The following LDB2 variants were observed in gnomAD, a reference collection of about 807,000 sequenced individuals.
LDB2 encodes the protein LIM domain-binding protein 2.
Under a neutral mutation model 44.3 loss-of-function variants are expected in LDB2, and 12 were observed. The ratio of observed to expected loss-of-function variants is 0.27; its 90% CI spans 0.17 to 0.44. LDB2 has a LOEUF of 0.44. Among genes scored for constraint, LDB2 ranks in the 20% least tolerant of loss-of-function variants. LDB2 has a pLI of 1.00. For missense variants in LDB2, 344 were observed against 473.5 expected (o/e 0.73, Z 2.54); for synonymous variants, 164 against 174.8 (o/e 0.94, Z 0.49).
At chr4:16,857,275 T>C (rs560537915) in intron 1 of LDB2, among the ~76,000 whole-genome samples, 17 of 152,300 alleles carry the variant, frequency 1.1e-4, no homozygotes, top group African/African-American at 3.8e-4. Context: ...GAATCTTACG[T>C]GCCCTTTTTA....
At chr4:16,648,635 AT>A (rs1737433614) in intron 2 of LDB2, among the ~76,000 whole-genome samples, 1 of 152,330 alleles carries the variant, frequency 6.6e-6, no homozygotes, top group Non-Finnish European at 1.5e-5. Context: ...TTATAAGCTG[AT>A]TTGCAGAGTC....
chr4:16,690,389 G>A (rs985551518), intron 2 of LDB2, among the ~76,000 whole-genome samples: 1 of 150,100 alleles, frequency 6.7e-6, no homozygotes, highest in Non-Finnish European at 1.5e-5. Context: ...CTGAGCCCAG[G>A]AGGTTGAGAT....
intron 2 of LDB2, 121 bp downstream of exon 2, chr4:16,759,037 A>G (rs1214973756): frequency 1.6e-6 from 1 of 635,758 alleles, no homozygotes; most frequent in Non-Finnish European, 2.8e-6. Context: ...AAGCAAGAAC[A>G]TTCTCAGGAG....
chr4:16,794,994 A>G (rs1776447204), intron 1 of LDB2, among the ~76,000 whole-genome samples: 1 of 152,212 alleles, frequency 6.6e-6, no homozygotes, highest in Non-Finnish European at 1.5e-5. Flanking sequence ...GGAAAGACAC[A>G]ACCTAGTAGA....
chr4:16,842,577 T>C (rs1173058482), intron 1 of LDB2, among the ~76,000 whole-genome samples: 1 of 152,206 alleles, frequency 6.6e-6, no homozygotes. Context: ...CCATGAGTGA[T>C]CTTTGAATGG....
intron 1 of LDB2, among the ~76,000 whole-genome samples, chr4:16,890,867 T>C (rs1233743101): frequency 6.6e-6 from 1 of 152,126 alleles, no homozygotes; most frequent in Non-Finnish European, 1.5e-5. Context: ...GAAGGAAATA[T>C]CACCTCCCAC....
At position 16,846,900 on chromosome 4, in the gene LDB2, T is replaced by A. The variant is rs561605979; in HGVS notation, c.132+51454A>T. The stretch of plus-strand genomic sequence containing the variant: ...CAAAGTCTCTTTATGACACTGACAG[T>A]CATCAAGCGGATGTTTGTCAAAGTA... On this transcript the variant is annotated intron_variant, in intron 1 of 7. Transcript: ENST00000304523. Among the ~76,000 whole-genome samples, 3 of 152,354 alleles carry A rather than the reference T, an allele frequency of 2.0e-5. No homozygotes were observed. In the South Asian group the frequency reaches 6.2e-4, roughly 32 times the overall value.
chr4:16,731,574 G>A (rs1158752510), intron 2 of LDB2, among the ~76,000 whole-genome samples: 1 of 152,138 alleles, frequency 6.6e-6, no homozygotes, highest in African/African-American at 2.4e-5. Flanking sequence ...AGCCAAGATG[G>A]AAGTCAGAAA....
intron 1 of LDB2, among the ~76,000 whole-genome samples, chr4:16,870,101 G>C (rs556842300): frequency 6.6e-6 from 1 of 152,284 alleles, no homozygotes; most frequent in East Asian, 1.9e-4. Context: ...GTACAAGGCA[G>C]CTGCAGAGGC....
At chr4:16,567,594 C>T (rs995892202) in intron 5 of LDB2, among the ~76,000 whole-genome samples, 5 of 152,034 alleles carry the variant, frequency 3.3e-5, no homozygotes, top group Non-Finnish European at 4.4e-5. Context: ...TGTGGTGAAA[C>T]CCTGTCTCTA....
At chr4:16,712,055 T>C (rs1755999776) in intron 2 of LDB2, among the ~76,000 whole-genome samples, 1 of 152,104 alleles carries the variant, frequency 6.6e-6, no homozygotes, top group Admixed American at 6.5e-5. Flanking sequence ...AGAAAAAAAT[T>C]AACAATTTGG....
At chr4:16,557,123 G>A (rs1739934906) in intron 5 of LDB2, among the ~76,000 whole-genome samples, 1 of 152,194 alleles carries the variant, frequency 6.6e-6, no homozygotes, top group Non-Finnish European at 1.5e-5. Flanking sequence ...AACAGCGCCG[G>A]TCTATAGCTC....
intron 3 of LDB2, among the ~76,000 whole-genome samples, chr4:16,593,711 G>A (rs1719908139): frequency 6.6e-6 from 1 of 152,158 alleles, no homozygotes; most frequent in African/African-American, 2.4e-5. Flanking sequence ...GGGCAAGGGA[G>A]CTCGGTTCAG....
intron 5 of LDB2, among the ~76,000 whole-genome samples, chr4:16,577,220 T>C (rs1241006456): frequency 2.0e-5 from 3 of 152,092 alleles, no homozygotes; most frequent in Non-Finnish European, 2.9e-5. Flanking sequence ...GTACGGGAAG[T>C]CCTAGCTAGA....
intron 1 of LDB2, among the ~76,000 whole-genome samples, chr4:16,762,590 A>T (rs1372329508): frequency 6.6e-6 from 1 of 152,146 alleles, no homozygotes. Context: ...GAACTAACGC[A>T]CTATCACGAG....
intron 1 of LDB2, among the ~76,000 whole-genome samples, chr4:16,876,438 G>A (rs1369384682): frequency 2.0e-5 from 3 of 152,060 alleles, no homozygotes; most frequent in Admixed American, 6.6e-5. Context: ...GAGTTGCTAG[G>A]GTCACCCTAA....
chr4:16,663,253 T>C (rs1017014006), intron 2 of LDB2, among the ~76,000 whole-genome samples: 4 of 152,186 alleles, frequency 2.6e-5, no homozygotes, highest in Admixed American at 6.5e-5. Context: ...TTTTGTGGTG[T>C]GCTGGTAAAT....
Position 16,739,644 on chromosome 4 carries a change from ACATATG to A in LDB2, c.235+19508_235+19513del, listed in dbSNP as rs1561055199. On this transcript the variant is annotated intron_variant, in intron 2 of 7. Coordinates refer to ENST00000304523, the MANE Select transcript of LDB2 (RefSeq NM_001290.5). Reference sequence around the variant, plus strand: ...CATGTGTGTGTATATATGTATATATACATATGTGTGTATATATGTATATATACATAT... The same window carrying A: ...CATGTGTGTGTATATATGTATATATATGTGTATATATGTATATATACATAT... 5.8e-3 allele frequency among the ~76,000 whole-genome samples: 457 copies of A among 78,472 alleles called. 62 individuals are homozygous for A. The highest frequency in any genetic ancestry group is 0.022 in the African/African-American group (440 of 19,892). 51.5% of individuals were successfully genotyped at this position (78,472 alleles called of 152,430 possible). A position where few individuals can be genotyped will look rare whatever the true frequency, so the allele number is the denominator to read the frequency against.
chr4:16,845,603 C>T (rs1460174924), intron 1 of LDB2, among the ~76,000 whole-genome samples: 42 of 152,102 alleles, frequency 2.8e-4, no homozygotes, highest in Admixed American at 2.8e-3. Flanking sequence ...GCAGCAACAT[C>T]CTATGACAGC....
Sources: gnomAD v4.1 joint callset for allele counts (sites outside exome capture counted in the v4.1 genomes callset) on GRCh38, gnomAD v4.1.1 for gene constraint, MANE v1.5 for transcripts, NCBI Gene and HGNC (gene_info 2026-07-23, HGNC 2026-07-21) for gene names.